Variants in ERC2 observed in about 807,000 individuals in gnomAD.
ERC2 encodes ERC protein 2.
In ERC2, 42 loss-of-function variants were observed where a neutral mutation model predicts 114.8. The observed-to-expected ratio is 0.37, with a 90% CI of 0.29 to 0.47. ERC2 has a LOEUF of 0.47. Ranked by LOEUF, ERC2 falls within the 20% of genes least tolerant of loss-of-function variation. ERC2 has a pLI of 0.99. For missense variants in ERC2, 939 were observed against 1,150.7 expected (o/e 0.82, Z 2.66); for synonymous variants, 454 against 425.5 (o/e 1.07, Z -0.82).
At chr3:56,441,577 T>G (rs2062309195) in intron 1 of ERC2, among the ~76,000 whole-genome samples, 1 of 152,238 alleles carries the variant, frequency 6.6e-6, no homozygotes, top group Non-Finnish European at 1.5e-5. Context: ...ATATTCAGAT[T>G]GATAAAGCTC....
intron 3 of ERC2, among the ~76,000 whole-genome samples, chr3:56,195,682 A>G (rs1244923663): frequency 6.6e-6 from 1 of 151,984 alleles, no homozygotes; most frequent in Non-Finnish European, 1.5e-5. Context: ...TACAAAAATT[A>G]TCTGGGCATG....
intron 1 of ERC2, among the ~76,000 whole-genome samples, chr3:56,462,004 T>A (rs1275161482): frequency 1.3e-5 from 2 of 152,128 alleles, no homozygotes; most frequent in Non-Finnish European, 2.9e-5. Context: ...CAGAAATAAG[T>A]CCATGGACAG....
intron 2 of ERC2, among the ~76,000 whole-genome samples, chr3:56,346,488 G>C (rs545590866): frequency 2.0e-5 from 3 of 152,240 alleles, no homozygotes; most frequent in South Asian, 2.1e-4. Flanking sequence ...AAGAAAAAAA[G>C]TTTATGTGGC....
intron 10 of ERC2, among the ~76,000 whole-genome samples, chr3:55,992,455 T>C (rs1477772857): frequency 6.6e-6 from 1 of 152,152 alleles, no homozygotes; most frequent in African/African-American, 2.4e-5. Context: ...ATATTAGAGT[T>C]TCACAGGGGA....
At chr3:56,293,804 C>G (rs891698346) in intron 3 of ERC2, among the ~76,000 whole-genome samples, 1 of 152,106 alleles carries the variant, frequency 6.6e-6, no homozygotes, top group Non-Finnish European at 1.5e-5. Context: ...TTGTGAGAAC[C>G]AGCCAATCTC....
intron 14 of ERC2, among the ~76,000 whole-genome samples, chr3:55,884,764 A>T (rs2063286266): frequency 6.6e-6 from 1 of 152,102 alleles, no homozygotes; most frequent in Non-Finnish European, 1.5e-5. Flanking sequence ...GTTGCTTTCC[A>T]ATTCTAAAAC....
intron 3 of ERC2, among the ~76,000 whole-genome samples, chr3:56,191,578 G>C (rs1228850997): frequency 6.6e-6 from 1 of 152,164 alleles, no homozygotes; most frequent in Non-Finnish European, 1.5e-5. Context: ...TAAGTGCTCA[G>C]ATGAAGGATA....
chr3:56,302,529 C>A (rs531282999), intron 2 of ERC2, among the ~76,000 whole-genome samples: 1 of 152,182 alleles, frequency 6.6e-6, no homozygotes, highest in African/African-American at 2.4e-5. Flanking sequence ...TACAAGTGAA[C>A]GCTCTAGCAA....
intron 14 of ERC2, among the ~76,000 whole-genome samples, chr3:55,790,138 A>G (rs1015431687): frequency 2.0e-5 from 3 of 152,114 alleles, no homozygotes; most frequent in African/African-American, 7.2e-5. Flanking sequence ...ATAAAGTCCA[A>G]CTTCTTTGTA....
intron 1 of ERC2, among the ~76,000 whole-genome samples, chr3:56,438,240 G>A (rs78776471): frequency 0.06 from 9,188 of 152,174 alleles, 531 homozygotes; most frequent in East Asian, 0.31. Context: ...CTGCATTTGG[G>A]CAATGAGATG....
At chr3:55,683,746 C>T (rs2062177782) in intron 17 of ERC2, 48 bp downstream of exon 17, 2 of 1,485,710 alleles carry the variant, frequency 1.3e-6, no homozygotes, top group South Asian at 1.2e-5. Flanking sequence ...CAATACAACA[C>T]TAGAATGCAA....
intron 2 of ERC2, among the ~76,000 whole-genome samples, chr3:56,325,309 G>A (rs1377875687): frequency 6.6e-6 from 1 of 152,040 alleles, no homozygotes; most frequent in Non-Finnish European, 1.5e-5. Flanking sequence ...AGCTGGGTGT[G>A]GTGGTGGGCA....
chr3:55,606,166 C>T (rs576161090), intron 17 of ERC2, among the ~76,000 whole-genome samples: 35 of 152,270 alleles, frequency 2.3e-4, no homozygotes, highest in African/African-American at 8.2e-4. Context: ...AGTCCAAACT[C>T]CGTGATGGCT....
chr3:56,019,192 C>T (rs1247122288), intron 7 of ERC2, among the ~76,000 whole-genome samples, 161 bp from the exon 8 acceptor site: 1 of 152,134 alleles, frequency 6.6e-6, no homozygotes, highest in African/African-American at 2.4e-5. Flanking sequence ...ATGAAATCTT[C>T]ATTTCTCCAT....
intron 2 of ERC2, among the ~76,000 whole-genome samples, chr3:56,338,728 G>C (rs538547593): frequency 2.0e-5 from 3 of 152,302 alleles, no homozygotes; most frequent in Admixed American, 6.5e-5. Context: ...CTGTTCTGAG[G>C]GGGGAATATG....
At chr3:55,580,333 G>A (rs1025119850) in intron 17 of ERC2, among the ~76,000 whole-genome samples, 2 of 151,954 alleles carry the variant, frequency 1.3e-5, no homozygotes, top group African/African-American at 2.4e-5. Context: ...ACCACTTTGC[G>A]AAAATCTTGA....
chr3:55,991,447 C>T (rs2071052916), intron 11 of ERC2, among the ~76,000 whole-genome samples: 1 of 152,182 alleles, frequency 6.6e-6, no homozygotes, highest in Admixed American at 6.5e-5. Context: ...TATGATTTAT[C>T]TGAAAATCTA....
intron 10 of ERC2, among the ~76,000 whole-genome samples, chr3:55,996,243 T>C (rs531553803): frequency 6.6e-6 from 1 of 152,340 alleles, no homozygotes; most frequent in East Asian, 1.9e-4. Context: ...ATCAACTTTG[T>C]CCTCCTATTT....
chr3:56,080,781 G>A (rs985886714), intron 7 of ERC2, 36 bp downstream of exon 7: 4 of 1,594,722 alleles, frequency 2.5e-6, no homozygotes, highest in African/African-American at 2.7e-5. Flanking sequence ...AAACATGGAT[G>A]ATACCCCACT....
Sources: allele counts gnomAD v4.1 joint callset (sites outside exome capture counted in the v4.1 genomes callset), GRCh38; gene constraint gnomAD v4.1.1; transcripts MANE v1.5; gene names NCBI Gene and HGNC (gene_info 2026-07-23, HGNC 2026-07-21).